Variants in TENM3 observed in about 807,000 individuals in gnomAD.
TENM3 encodes teneurin-3.
In TENM3, 63 loss-of-function variants were observed where a neutral mutation model predicts 255.1. The ratio of observed to expected loss-of-function variants is 0.25; its 90% CI spans 0.20 to 0.30. The LOEUF (loss-of-function observed/expected upper bound fraction) is 0.30, where lower values mean the gene tolerates loss of function less well. Among genes scored for constraint, TENM3 ranks in the 10% least tolerant of loss-of-function variants. TENM3 has a pLI of 1.00. For synonymous variants in TENM3, 1,306 were observed against 1,322.3 expected (o/e 0.99, Z 0.27); for missense variants, 2,929 against 3,461.1 (o/e 0.85, Z 3.86).
At chr4:182,491,793 ATTACACTGTCAGCAGG>A (rs1735326595) in intron 3 of TENM3, among the ~76,000 whole-genome samples, 1 of 152,228 alleles carries the variant, frequency 6.6e-6, no homozygotes. Flanking sequence ...ATAGTATTGC[ATTACACTGTCAGCAGG>A]TGCTGCCATG....
the TENM3 span, among the ~76,000 whole-genome samples, chr4:181,888,665 T>G: frequency 6.9e-6 from 1 of 144,870 alleles, no homozygotes; most frequent in African/African-American, 2.6e-5. Flanking sequence ...CATATGATTA[T>G]GGAGGCTGAG....
the TENM3 span, among the ~76,000 whole-genome samples, chr4:181,661,324 GGACCT>G: frequency 6.6e-6 from 1 of 152,084 alleles, no homozygotes; most frequent in Non-Finnish European, 1.5e-5. Flanking sequence ...AGTGGCTAGT[GGACCT>G]GCACTTTCAG....
At chr4:182,148,081 ATTTAT>A (rs1295688731) in intron 1 of TENM3, among the ~76,000 whole-genome samples, 1 of 152,090 alleles carries the variant, frequency 6.6e-6, no homozygotes, top group African/African-American at 2.4e-5. Flanking sequence ...ATAAAACCTG[ATTTAT>A]TTTATACTTT....
the TENM3 span, among the ~76,000 whole-genome samples, chr4:181,622,812 C>A: frequency 6.6e-6 from 1 of 152,152 alleles, no homozygotes; most frequent in East Asian, 1.9e-4. Context: ...TCCACATTCC[C>A]TTTCTCTGGT....
chr4:182,736,478 T>TC (rs1429299971), intron 16 of TENM3, among the ~76,000 whole-genome samples: 1 of 152,234 alleles, frequency 6.6e-6, no homozygotes, highest in Non-Finnish European at 1.5e-5. Context: ...TCACAGTGTT[T>TC]CCCGTATGAA....
At chr4:182,685,337 A>T (rs568742752) in intron 11 of TENM3, among the ~76,000 whole-genome samples, 1 of 152,106 alleles carries the variant, frequency 6.6e-6, no homozygotes, top group Non-Finnish European at 1.5e-5. Flanking sequence ...CACATCTGCT[A>T]GAGCAAATAA....
At chr4:182,768,843 G>A (rs1256511499) in intron 22 of TENM3, among the ~76,000 whole-genome samples, 1 of 152,154 alleles carries the variant, frequency 6.6e-6, no homozygotes, top group Non-Finnish European at 1.5e-5. Flanking sequence ...GCCTGAGGAA[G>A]TTTGTCCTTT....
At chr4:181,944,895 GC>G in the TENM3 span, among the ~76,000 whole-genome samples, 1 of 151,928 alleles carries the variant, frequency 6.6e-6, no homozygotes, top group African/African-American at 2.4e-5. Context: ...TGAAACAGAA[GC>G]CTAATTGCAA....
At chr4:182,641,520 T>G (rs188479505) in intron 5 of TENM3, among the ~76,000 whole-genome samples, 42 of 149,400 alleles carry the variant, frequency 2.8e-4, no homozygotes, top group Admixed American at 2.6e-3. Flanking sequence ...TAGTATGCAG[T>G]TTTTTTTTGT....
At chr4:181,950,030 C>G in the TENM3 span, among the ~76,000 whole-genome samples, 4 of 152,266 alleles carry the variant, frequency 2.6e-5, no homozygotes, top group African/African-American at 9.6e-5. Context: ...GTGACTTGCA[C>G]GTATATACGC....
intron 1 of TENM3, among the ~76,000 whole-genome samples, chr4:182,244,035 G>C (rs1450413928): frequency 7.3e-6 from 1 of 137,486 alleles, no homozygotes; most frequent in Non-Finnish European, 1.5e-5. Flanking sequence ...CTCACTGCAA[G>C]CTCCGCCTCC....
chr4:182,474,389 T>C (rs558533917), intron 3 of TENM3, among the ~76,000 whole-genome samples: 1 of 131,142 alleles, frequency 7.6e-6, no homozygotes, highest in East Asian at 2.9e-4. Flanking sequence ...GTGAGTGTAA[T>C]TCAGCTAGGG....
the TENM3 span, among the ~76,000 whole-genome samples, chr4:182,003,640 G>A: frequency 8.5e-5 from 13 of 152,124 alleles, no homozygotes; most frequent in Admixed American, 7.2e-4. Flanking sequence ...CACATTGTGA[G>A]CTTCAGGTTG....
At chr4:181,762,390 CCCCTG>C in the TENM3 span, among the ~76,000 whole-genome samples, 1 of 152,148 alleles carries the variant, frequency 6.6e-6, no homozygotes, top group African/African-American at 2.4e-5. Context: ...CTGGATTTCC[CCCCTG>C]CCCACGTCCA....
chr4:182,624,777 A>G (rs1750667389), intron 4 of TENM3, among the ~76,000 whole-genome samples: 2 of 152,212 alleles, frequency 1.3e-5, no homozygotes, highest in African/African-American at 4.8e-5. Flanking sequence ...CTAGAATGAG[A>G]GGATTGAGGC....
the TENM3 span, among the ~76,000 whole-genome samples, chr4:181,828,259 G>A: frequency 3.9e-5 from 6 of 152,250 alleles, no homozygotes; most frequent in East Asian, 1.9e-4. Flanking sequence ...CCCTGACTGC[G>A]GCACCATCCT....
chr4:182,676,821 A>G (rs977839060), intron 7 of TENM3, among the ~76,000 whole-genome samples: 5 of 152,220 alleles, frequency 3.3e-5, no homozygotes, highest in African/African-American at 9.6e-5. Flanking sequence ...GTAATATTAA[A>G]TCGTAAGAAA....
At chr4:182,533,278 C>T (rs148221514) in intron 3 of TENM3, among the ~76,000 whole-genome samples, 2,623 of 152,144 alleles carry the variant, frequency 0.017, 93 homozygotes, top group African/African-American at 0.06. Context: ...TTGCTGGGCA[C>T]GGTGGCTCAT....
intron 20 of TENM3, among the ~76,000 whole-genome samples, chr4:182,753,112 T>C (rs1579349298): frequency 6.6e-6 from 1 of 151,952 alleles, no homozygotes; most frequent in East Asian, 1.9e-4. Flanking sequence ...ACACCCAGTT[T>C]TTTTGTGTGT....
Sources: allele counts gnomAD v4.1 joint callset (sites outside exome capture counted in the v4.1 genomes callset), GRCh38; gene constraint gnomAD v4.1.1; transcripts MANE v1.5; gene names NCBI Gene and HGNC (gene_info 2026-07-23, HGNC 2026-07-21).